The following KAZN variants were observed in gnomAD, a reference collection of about 807,000 sequenced individuals.
KAZN encodes the protein kazrin, periplakin interacting protein.
A neutral mutation model predicts 87.4 loss-of-function variants in KAZN; 40 were observed. That is an observed-to-expected ratio of 0.46 (90% CI 0.36 to 0.60). KAZN has a LOEUF of 0.60. KAZN is among the 20% of genes least tolerant of loss of function. KAZN has a pLI of 0.00. For synonymous variants in KAZN, 466 were observed against 458.3 expected, an observed-to-expected ratio of 1.02 and a Z score of -0.22; for missense variants, 898 against 1,073.9, an observed-to-expected ratio of 0.84 and a Z score of 2.29.
At chr1:14,365,372 G>GT (rs1553162544) in intron 2 of KAZN, among the ~76,000 whole-genome samples, 1 of 125,898 alleles carries the variant, frequency 7.9e-6, no homozygotes, top group African/African-American at 3.8e-5. Flanking sequence ...CCGGGGTGGG[G>GT]GGGGGGGGGG....
chr1:14,622,876 G>A (rs1264150023), intron 1 of KAZN, among the ~76,000 whole-genome samples: 1 of 151,628 alleles, frequency 6.6e-6, no homozygotes, highest in East Asian at 1.9e-4. Flanking sequence ...TTAAATACCT[G>A]TATGACCTTA....
intron 2 of KAZN, among the ~76,000 whole-genome samples, chr1:14,302,569 G>GGA (rs1654627235): frequency 6.6e-6 from 1 of 152,182 alleles, no homozygotes; most frequent in African/African-American, 2.4e-5. Flanking sequence ...TAGATTCCAG[G>GGA]TGTAACAAGA....
At chr1:14,488,276 G>T (rs1474361426) in intron 2 of KAZN, among the ~76,000 whole-genome samples, 1 of 152,150 alleles carries the variant, frequency 6.6e-6, no homozygotes, top group Non-Finnish European at 1.5e-5. Context: ...GAGGCTCAAA[G>T]CTGCCTGAGA....
Position 13,925,553 on chromosome 1 carries a change from C to T in KAZN, c.91+31797C>T, listed in dbSNP as rs546697824. Among the ~76,000 whole-genome samples the T allele has an allele frequency of 2.0e-4, 31 of 152,190 alleles. No individual in the cohort carries two copies. The East Asian group carries it at 3.5e-3, about 17-fold the overall frequency. ...CCCTGCGATAGATTAAGGAATGTCC[C>T]GGTAGGCAATGAATGAGGAGAAAAT... On this transcript the variant is annotated intron_variant, in intron 1 of 16. Transcript: ENST00000636203.
intron 2 of KAZN, among the ~76,000 whole-genome samples, chr1:14,538,806 TCTTA>T (rs373964391): frequency 5.7e-4 from 87 of 152,306 alleles, no homozygotes; most frequent in African/African-American, 1.9e-3. Context: ...TAGTCCTCCT[TCTTA>T]CTTAACACCA....
At chr1:14,149,090 C>CCTTTCTTT (rs1465998630) in intron 1 of KAZN, among the ~76,000 whole-genome samples, 5 of 104,006 alleles carry the variant, frequency 4.8e-5, no homozygotes, top group African/African-American at 4.1e-5. Flanking sequence ...TTCCTTCCTT[C>CCTTTCTTT]CTTTCTTTCT....
intron 1 of KAZN, among the ~76,000 whole-genome samples, chr1:14,753,766 C>G (rs1392193210): frequency 6.6e-6 from 1 of 152,010 alleles, no homozygotes. Context: ...CTGCACTCAC[C>G]TCTAGGGAGG....
chr1:14,138,903 T>C lies in KAZN; in HGVS notation c.92-41532T>C, dbSNP rs1645170526. Among the ~76,000 whole-genome samples, 5 of 152,274 alleles carry C rather than the reference T, an allele frequency of 3.3e-5. No individual in the cohort carries two copies. In the South Asian group the frequency reaches 1.0e-3, roughly 32 times the overall value. On this transcript the variant is annotated intron_variant, in intron 1 of 16. Coordinates refer to the KAZN transcript ENST00000636203. ...AATGGATCTAGTTTTACACATCACATGCCTGGTTCAGGGAGATTTAGAATC... is the reference window on the plus strand; with the variant it reads ...AATGGATCTAGTTTTACACATCACACGCCTGGTTCAGGGAGATTTAGAATC...
At chr1:14,419,326 G>A (rs976250421) in intron 2 of KAZN, among the ~76,000 whole-genome samples, 1 of 152,172 alleles carries the variant, frequency 6.6e-6, no homozygotes, top group African/African-American at 2.4e-5. Context: ...CCCCTATTCT[G>A]TCTGACGTCC....
At chr1:14,827,443 A>G (rs889792302) in intron 1 of KAZN, among the ~76,000 whole-genome samples, 5 of 152,108 alleles carry the variant, frequency 3.3e-5, no homozygotes. Flanking sequence ...AAAGTCCATC[A>G]TATCATTCTT....
chr1:14,231,489 G>A (rs1023070950), intron 2 of KAZN, among the ~76,000 whole-genome samples: 4 of 152,152 alleles, frequency 2.6e-5, no homozygotes, highest in African/African-American at 9.7e-5. Flanking sequence ...ATATATAAAG[G>A]GATGTCAAAT....
intron 1 of KAZN, among the ~76,000 whole-genome samples, chr1:14,754,182 T>C (rs1644490986): frequency 6.6e-6 from 1 of 152,208 alleles, no homozygotes; most frequent in Admixed American, 6.5e-5. Flanking sequence ...GGTGGACAGC[T>C]GCAGGGCCCA....
chr1:14,105,138 G>A (rs1475056391), intron 1 of KAZN, among the ~76,000 whole-genome samples: 1 of 152,182 alleles, frequency 6.6e-6, no homozygotes. Flanking sequence ...CACAGATTCT[G>A]CTATCTGGGA....
At chr1:14,183,329 C>T (rs956286962) in intron 2 of KAZN, among the ~76,000 whole-genome samples, 1 of 152,120 alleles carries the variant, frequency 6.6e-6, no homozygotes. Context: ...AATGGAATCG[C>T]GAAGGGAGCA....
intron 1 of KAZN, among the ~76,000 whole-genome samples, chr1:14,124,052 C>CAA (rs1644809493): frequency 6.6e-6 from 1 of 152,224 alleles, no homozygotes; most frequent in Non-Finnish European, 1.5e-5. Context: ...CTTTTCCCTC[C>CAA]ATTTCCAAGA....
intron 5 of KAZN, among the ~76,000 whole-genome samples, chr1:15,059,123 G>T (rs1477471305): frequency 4.7e-5 from 7 of 148,722 alleles, no homozygotes; most frequent in African/African-American, 1.5e-4. Context: ...TTTTTGGAGA[G>T]ATGGAGTCTT....
intron 2 of KAZN, among the ~76,000 whole-genome samples, chr1:14,514,606 TA>T (rs1671195426): frequency 2.0e-3 from 58 of 29,276 alleles, no homozygotes; most frequent in African/African-American, 0.011. Flanking sequence ...TATATATATA[TA>T]TATATATATA....
intron 1 of KAZN, among the ~76,000 whole-genome samples, chr1:14,916,757 T>C (rs541115699): frequency 6.6e-6 from 1 of 151,690 alleles, no homozygotes; most frequent in South Asian, 2.1e-4. Flanking sequence ...ACAAAAAAAA[T>C]TAAAAATTAG....
At chr1:14,085,429 C>G (rs1447189844) in intron 1 of KAZN, among the ~76,000 whole-genome samples, 1 of 152,210 alleles carries the variant, frequency 6.6e-6, no homozygotes, top group Non-Finnish European at 1.5e-5. Context: ...CGGATCCCTT[C>G]TCACCACCCC....
Sources: allele counts gnomAD v4.1 joint callset (sites outside exome capture counted in the v4.1 genomes callset), GRCh38; gene constraint gnomAD v4.1.1; transcripts MANE v1.5; gene names NCBI Gene and HGNC (gene_info 2026-07-23, HGNC 2026-07-21).